Variants in KIAA1549 observed in about 807,000 individuals in gnomAD.
KIAA1549 encodes KIAA1549.
Under a neutral mutation model 156.4 loss-of-function variants are expected in KIAA1549, and 70 were observed. The observed-to-expected ratio is 0.45, with a 90% confidence interval of 0.37 to 0.55. The LOEUF (loss-of-function observed/expected upper bound fraction) is 0.55. Among genes scored for constraint, KIAA1549 ranks in the 20% least tolerant of loss-of-function variants. KIAA1549 has a pLI of 0.00. For synonymous variants in KIAA1549, 1,103 were observed against 1,066.4 expected (o/e 1.03, Z -0.67); for missense variants, 2,428 against 2,540.9 (o/e 0.96, Z 0.96).
In KIAA1549 at chr7:138,834,191, G is replaced by T. The variant is rs2130310618; in HGVS notation, c.*3715C>A. On this transcript the variant is annotated 3_prime_UTR_variant, in exon 20 of 20. Coordinates refer to ENST00000422774, the MANE Select transcript of KIAA1549 (RefSeq NM_001164665.2). ...TTTTTTCTTTTTGAGACACAGTCTT[G>T]CTCTGTCGCCCAGGTTGGAGTACAG... 1 of 194,324 alleles carries T rather than the reference G, an allele frequency of 5.1e-6. No homozygotes were observed. The highest frequency in any genetic ancestry group is 1.1e-5 in the Non-Finnish European group (1 of 93,262). The allele number at this position is 194,324 out of a possible 1,614,324, so 12.0% of individuals were successfully genotyped here. A position where few individuals can be genotyped will look rare whatever the true frequency, so the allele number is the denominator to read the frequency against.
At chr7:138,953,322 T>G (rs914045524) in intron 1 of KIAA1549, among the ~76,000 whole-genome samples, 2 of 152,102 alleles carry the variant, frequency 1.3e-5, no homozygotes, top group African/African-American at 4.8e-5. Context: ...GGCCACTGCA[T>G]TTCGGCCTAG....
intron 11 of KIAA1549, among the ~76,000 whole-genome samples, chr7:138,879,937 G>C (rs538723252): frequency 6.6e-6 from 1 of 152,284 alleles, no homozygotes; most frequent in African/African-American, 2.4e-5. Context: ...AGTTACCAGG[G>C]CTCAAGGCCC....
In KIAA1549 at chr7:138,836,332, G is replaced by A. The variant is rs1328077845; in HGVS notation, c.*1574C>T. Reference sequence around the variant, plus strand: ...TTCAGTACAGTAACATGCTGTACAGGTTTGTAGCCTAAGAGGAATAGGCCA... The same window carrying A: ...TTCAGTACAGTAACATGCTGTACAGATTTGTAGCCTAAGAGGAATAGGCCA... On this transcript the variant is annotated 3_prime_UTR_variant, in exon 20 of 20. Coordinates refer to ENST00000422774, the MANE Select transcript of KIAA1549 (RefSeq NM_001164665.2). The A allele has an allele frequency of 9.6e-6, 2 of 208,320 alleles. No individual in the cohort carries two copies. Among genetic ancestry groups the A allele is most frequent in the Non-Finnish European group, 2.0e-5 (2 of 102,398 alleles). 12.9% of individuals were successfully genotyped at this position (208,320 alleles called of 1,614,324 possible).
intron 1 of KIAA1549, among the ~76,000 whole-genome samples, chr7:138,922,752 G>A (rs1812599483): frequency 6.6e-6 from 1 of 151,778 alleles, no homozygotes; most frequent in Non-Finnish European, 1.5e-5. Flanking sequence ...ACAAATAAAT[G>A]TGAAATATTA....
chr7:138,973,667 T>C (rs1204147934), intron 1 of KIAA1549, among the ~76,000 whole-genome samples: 1 of 152,238 alleles, frequency 6.6e-6, no homozygotes, highest in Non-Finnish European at 1.5e-5. Context: ...TTTTTTGTTT[T>C]AAGTTCTTGC....
In KIAA1549 at chr7:138,917,118, C is replaced by T. The variant is rs746464843; in HGVS notation, c.2508G>A (p.Thr836=). ...GCAGGTACGCGTCAGTGATCAACAC[C>T]GTACCAGTGGGAATGGCTTTGGAGA... is the stretch of plus-strand genomic sequence containing the variant. The part of the protein sequence containing the change: ...ASFSKAIPTG[T]VLITDAYLPS... Residue 836 remains threonine, a synonymous_variant, in exon 2 of 20, where the codon ACG becomes ACA. Coordinates refer to ENST00000422774, the MANE Select transcript of KIAA1549 (RefSeq NM_001164665.2). 6 of 1,612,428 alleles carry T rather than the reference C, an allele frequency of 3.7e-6. No individual in the cohort carries two copies. The highest frequency in any genetic ancestry group is 1.3e-5 in the African/African-American group (1 of 75,032).
chr7:138,936,349 C>T (rs1466650868), intron 1 of KIAA1549, among the ~76,000 whole-genome samples: 1 of 152,146 alleles, frequency 6.6e-6, no homozygotes, highest in African/African-American at 2.4e-5. Context: ...CTTAATAGCT[C>T]GTGCCTGTAA....
At chr7:138,899,810 T>C (rs1050119633) in intron 8 of KIAA1549, among the ~76,000 whole-genome samples, 1 of 152,184 alleles carries the variant, frequency 6.6e-6, no homozygotes, top group Admixed American at 6.5e-5. Context: ...ATTCATAATC[T>C]TGTGGGTCAA....
intron 1 of KIAA1549, among the ~76,000 whole-genome samples, chr7:138,979,702 G>A (rs937954137): frequency 3.3e-5 from 5 of 152,204 alleles, no homozygotes; most frequent in Non-Finnish European, 7.4e-5. Context: ...GCAGGAGCAG[G>A]ACTGAGACGG....
At position 138,917,926 on chromosome 7, in the gene KIAA1549, T is replaced by A. The variant is rs1812393626; in HGVS notation, c.1700A>T (p.Asp567Val). 3.8e-6 allele frequency: 6 copies of A among 1,596,920 alleles called. No individual in the cohort carries two copies. The East Asian group carries it at 1.4e-4, about 36-fold the overall frequency. ...FFSVITSILL[D>V]SSFSVIANKN... ...GTTTGCTATGACAGAGAAAGATGAG[T>A]CAAGGAGAATGCTGGTGATGACCGA... The change falls in exon 2 of 20, where the codon GAC (aspartate) becomes GTC (valine). Residue 567 changes from aspartate (D) to valine (V), a missense_variant. This residue lies in a region of KIAA1549 where 893 missense variants were observed against 847.9 expected (regional missense o/e 1.05). Coordinates refer to ENST00000422774, the MANE Select transcript of KIAA1549 (RefSeq NM_001164665.2).
intron 10 of KIAA1549, among the ~76,000 whole-genome samples, chr7:138,891,421 G>C (rs12154749): frequency 1.1e-4 from 17 of 152,194 alleles, no homozygotes; most frequent in Non-Finnish European, 2.4e-4. Context: ...AAGAGGATCC[G>C]GGCTGGAGTT....
intron 1 of KIAA1549, among the ~76,000 whole-genome samples, chr7:138,950,795 G>C (rs577790560): frequency 3.9e-5 from 6 of 152,108 alleles, no homozygotes; most frequent in African/African-American, 1.4e-4. Context: ...TCTCCCCGGG[G>C]GCTGAAACCT....
At chr7:138,968,501 G>A (rs934903289) in intron 1 of KIAA1549, among the ~76,000 whole-genome samples, 7 of 152,106 alleles carry the variant, frequency 4.6e-5, no homozygotes, top group African/African-American at 1.7e-4. Context: ...ATAGTCAACA[G>A]AGCTTTATTT....
intron 8 of KIAA1549, among the ~76,000 whole-genome samples, chr7:138,901,802 A>G (rs1184012004): frequency 6.6e-6 from 1 of 152,256 alleles, no homozygotes; most frequent in East Asian, 1.9e-4. Context: ...GTAACACTGT[A>G]CACAAATCCT....
intron 9 of KIAA1549, among the ~76,000 whole-genome samples, 174 bp from the exon 10 acceptor site, chr7:138,894,700 A>T (rs888962755): frequency 2.0e-5 from 3 of 152,216 alleles, no homozygotes; most frequent in Non-Finnish European, 4.4e-5. Flanking sequence ...CACAACATAC[A>T]ATGTTACATC....
At chr7:138,881,635 G>T (rs368203609) in intron 10 of KIAA1549, 51 bp from the exon 11 acceptor site, 6 of 1,502,638 alleles carry the variant, frequency 4.0e-6, no homozygotes, top group Admixed American at 3.9e-5. Flanking sequence ...ATCCAAGGCT[G>T]ATGAGAGGAG....
chr7:138,881,655 T>G, intron 10 of KIAA1549, 71 bp from the exon 11 acceptor site: 1 of 1,371,984 alleles, frequency 7.3e-7, no homozygotes, highest in South Asian at 1.4e-5. Flanking sequence ...GCACAACTTC[T>G]GACCCAAGAC....
At chr7:138,863,000 A>C (rs1254491279) in intron 15 of KIAA1549, among the ~76,000 whole-genome samples, 1 of 152,250 alleles carries the variant, frequency 6.6e-6, no homozygotes, top group African/African-American at 2.4e-5. Context: ...AGGTAGAAAT[A>C]TAAGTAACAA....
chr7:138,941,325 T>G (rs1156729035), intron 1 of KIAA1549, among the ~76,000 whole-genome samples: 1 of 152,112 alleles, frequency 6.6e-6, no homozygotes, highest in Non-Finnish European at 1.5e-5. Flanking sequence ...TCCATAAAGA[T>G]AGTAAAGAAT....
Sources: gnomAD v4.1 joint callset for allele counts (sites outside exome capture counted in the v4.1 genomes callset) on GRCh38, gnomAD v4.1.1 for gene constraint, gnomAD v4.1.1 regional missense constraint, MANE v1.5 for transcripts, NCBI Gene and HGNC (gene_info 2026-07-23, HGNC 2026-07-21) for gene names.